Variants in C1QTNF8 observed in about 807,000 individuals in gnomAD.
C1QTNF8 encodes C1q and TNF related 8, also known as complement C1q tumor necrosis factor-related protein 8.
C1QTNF8 carries 27 observed loss-of-function variants against 19.2 expected under a neutral mutation model. The observed-to-expected ratio is 1.41, with a 90% CI of 1.04 to 1.94. The LOEUF (loss-of-function observed/expected upper bound fraction) is 1.94, where lower values mean the gene tolerates loss of function less well. Among genes scored for constraint, C1QTNF8 ranks in the 30% most tolerant of loss-of-function variants. The pLI is 0.00. For synonymous variants in C1QTNF8, 208 were observed against 172.8 expected (o/e 1.20, Z -1.60); for missense variants, 484 against 374.4 (o/e 1.29, Z -2.42).
intron 4 of C1QTNF8, among the ~76,000 whole-genome samples, chr16:1,093,279 A>C (rs377629617): frequency 0.02 from 1,412 of 71,990 alleles, 12 homozygotes; most frequent in African/African-American, 0.043. Context: ...GGCGCTCAAC[A>C]AATCACTGCA....
rs1456236893 is a variant in C1QTNF8, at chr16:1,096,206, CT to C, written c.-237del. 6.6e-6 allele frequency: 1 copy of C among 152,436 alleles called. No homozygotes were observed. The highest frequency in any genetic ancestry group is 1.5e-5 in the Non-Finnish European group (1 of 68,194). 9.4% of individuals were successfully genotyped at this position (152,436 alleles called of 1,614,324 possible). A position where few individuals can be genotyped will look rare whatever the true frequency, so the allele number is the denominator to read the frequency against. On this transcript the variant is annotated 5_prime_UTR_variant, in exon 1 of 5. It introduces an in-frame stop codon into an upstream open reading frame of the 5' UTR. Transcript: ENST00000328449. ...CCAGCAACCCAGCCGTCAAAGAGCC[CT>C]TTCATGCCCGCCTGGGCGCCCGTGG...
chr16:1,093,612 G>T lies in C1QTNF8; in HGVS notation c.648C>A (p.Ala216=). 4 of 1,604,760 alleles carry T rather than the reference G, an allele frequency of 2.5e-6. No individual in the cohort carries two copies. Among genetic ancestry groups the T allele is most frequent in the Non-Finnish European group, 3.4e-6 (4 of 1,175,948 alleles). ...CGCGCTGGAACATGCGCACCCAGACGGCGTCGCCCGCCGCCAGCAGCAGCA... is the reference window on the plus strand; with the variant it reads ...CGCGCTGGAACATGCGCACCCAGACTGCGTCGCCCGCCGCCAGCAGCAGCA... ...SLMLLLAAGD[A]VWVRMFQRDR... Residue 216 remains alanine (A), a synonymous_variant, in exon 4 of 5, where the codon GCC becomes GCA. Transcript: ENST00000328449.
At chr16:1,095,428 C>A (rs1224591191) in intron 2 of C1QTNF8, among the ~76,000 whole-genome samples, 187 bp downstream of exon 2, 1 of 152,210 alleles carries the variant, frequency 6.6e-6, no homozygotes, top group East Asian at 1.9e-4. Context: ...CCGGAGCCCC[C>A]AGGGCAGGGC....
intron 4 of C1QTNF8, among the ~76,000 whole-genome samples, chr16:1,092,946 TCACAGCACACAGTCGGCGCTCAAC>T: frequency 1.5e-5 from 1 of 66,876 alleles, no homozygotes; most frequent in Non-Finnish European, 3.3e-5. Flanking sequence ...GCTCAACCAA[TCACAGCACACAGTCGGCGCTCAAC>T]CAATCCCTGC....
rs1200589789 is a variant in C1QTNF8, at chr16:1,088,773, G to A, written c.*1826C>T. On this transcript the variant is annotated 3_prime_UTR_variant, in exon 5 of 5. Transcript: ENST00000328449. ...AGCTTCCAAGAGACCTTGCACCCCT[G>A]CCCGCCTGACCCCTGCTGCAGCCCG... Among the ~76,000 whole-genome samples the A allele has an allele frequency of 6.6e-6, 1 of 152,066 alleles. No homozygotes were observed. Among genetic ancestry groups the A allele is most frequent in the African/African-American group, 2.4e-5 (1 of 41,432 alleles).
rs989457851 is a variant in C1QTNF8 at position 1,091,019 on chromosome 16, C to T, written c.*5-425G>A. Among the ~76,000 whole-genome samples the T allele has an allele frequency of 1.4e-4, 21 of 152,284 alleles. No homozygotes were observed. In the South Asian group the frequency reaches 4.4e-3, roughly 32 times the overall value. ...ACCCTCCTGGGGCAGGCTGTGGGCC[C>T]AGCTGCTCAGAGATTGGTCAGTACT... On this transcript the variant is annotated intron_variant, in intron 4 of 4. Transcript: ENST00000328449.
chr16:1,093,417 C>G, intron 4 of C1QTNF8, 80 bp downstream of exon 4: 1 of 964,462 alleles, frequency 1.0e-6, no homozygotes, highest in Non-Finnish European at 1.4e-6. Flanking sequence ...CACACACCCA[C>G]ACCCACCCCC....
Position 1,093,370 on chromosome 16 carries a change from G to GCCCCCCCCCCCCC in C1QTNF8, c.*4+126_*4+127insGGGGGGGGGGGGG. 1.2e-5 allele frequency: 5 copies of GCCCCCCCCCCCCC among 417,556 alleles called. 1 individual carries two copies. The highest frequency in any genetic ancestry group is 2.2e-5 in the South Asian group (1 of 44,714). 25.9% of individuals were successfully genotyped at this position (417,556 alleles called of 1,614,324 possible). A position where few individuals can be genotyped will look rare whatever the true frequency, so the allele number is the denominator to read the frequency against. ...ACACAGTCGGCGCTGAAGCTCCGCT[G>GCCCCCCCCCCCCC]CCCGCCCACCCCACCACACCCACAC... On this transcript the variant is annotated intron_variant, in intron 4 of 4. Transcript: ENST00000328449.
chr16:1,091,406 G>C (rs535273438), intron 4 of C1QTNF8, among the ~76,000 whole-genome samples: 28 of 152,272 alleles, frequency 1.8e-4, no homozygotes, highest in Admixed American at 3.9e-4. Flanking sequence ...GGCTGGGCCG[G>C]AGGGGCTGGG....
rs1960500465 is a variant in C1QTNF8 at position 1,089,538 on chromosome 16, A to G, written c.*1061T>C. ...CTGCTGCACGGGAAGCTGAGGCGAC[A>G]GGCAGAGCTGGCAGGGACACGGGCT... On this transcript the variant is annotated 3_prime_UTR_variant, in exon 5 of 5. Transcript: ENST00000328449. Among the ~76,000 whole-genome samples, 1 of 152,222 alleles carries G rather than the reference A, an allele frequency of 6.6e-6. No homozygotes were observed. Among genetic ancestry groups the G allele is most frequent in the Non-Finnish European group, 1.5e-5 (1 of 68,030 alleles).
At position 1,088,356 on chromosome 16, in the gene C1QTNF8, T is replaced by A. The variant is rs1394041270; in HGVS notation, c.*2243A>T. 6.6e-6 allele frequency among the ~76,000 whole-genome samples: 1 copy of A among 152,220 alleles called. No individual in the cohort carries two copies. Among genetic ancestry groups the A allele is most frequent in the African/African-American group, 2.4e-5 (1 of 41,456 alleles). ...CCCCGCGGGAAGCCGCGTTCCCCAG[T>A]CCCTTCCTGTGCGGTTGACTCATGA... On this transcript the variant is annotated 3_prime_UTR_variant, in exon 5 of 5. Transcript: ENST00000328449.
intron 4 of C1QTNF8, among the ~76,000 whole-genome samples, chr16:1,091,872 CCT>C (rs1270105898): frequency 6.6e-6 from 1 of 152,220 alleles, no homozygotes; most frequent in Non-Finnish European, 1.5e-5. Flanking sequence ...GCTGGGTGCC[CCT>C]CACACCGCCT....
At chr16:1,094,176 C>T (rs976769874) in intron 3 of C1QTNF8, 125 bp from the exon 4 acceptor site, 4 of 741,978 alleles carry the variant, frequency 5.4e-6, no homozygotes, top group East Asian at 3.4e-5. Flanking sequence ...CAAGTGACGG[C>T]CCCTCTCCCA....
rs1960479122 is a variant in C1QTNF8, at chr16:1,088,433, G to A, written c.*2166C>T. ...GGGTGCCCGGTGCGGTTCTGATGGG[G>A]TGGCTCCCCCTTGTCTCCTAAGTGG... On this transcript the variant is annotated 3_prime_UTR_variant, in exon 5 of 5. Coordinates refer to ENST00000328449, the MANE Select transcript of C1QTNF8 (RefSeq NM_207419.3). 1.3e-5 allele frequency among the ~76,000 whole-genome samples: 2 copies of A among 152,216 alleles called. No homozygotes were observed. The highest frequency in any genetic ancestry group is 4.8e-5 in the African/African-American group (2 of 41,444).
chr16:1,091,109 C>T (rs543298121), intron 4 of C1QTNF8, among the ~76,000 whole-genome samples: 9 of 152,096 alleles, frequency 5.9e-5, no homozygotes, highest in African/African-American at 2.2e-4. Context: ...ATGGGCGAGC[C>T]GGGCACTCCA....
chr16:1,095,254 G>A (rs985056242), intron 2 of C1QTNF8, among the ~76,000 whole-genome samples: 4 of 152,232 alleles, frequency 2.6e-5, no homozygotes, highest in Non-Finnish European at 5.9e-5. Context: ...TCTAAACTCA[G>A]GAGCGGGTAG....
At position 1,093,958 on chromosome 16, in the gene C1QTNF8, T is replaced by C. The variant is rs1294796320; in HGVS notation, c.302A>G (p.Gln101Arg). Residue 101 changes from glutamine (Q) to arginine (R), a missense_variant, in exon 4 of 5, where the codon CAG becomes CGG. Physicochemically the swap from Gln to Arg is conservative, Grantham distance 43. Coordinates refer to ENST00000328449, the MANE Select transcript of C1QTNF8 (RefSeq NM_207419.3). ...GCCCGGCGGCCCCACCTGCCCCTTCTGGCCTCTGCGGCCCTGCAGGCCCCG... is the reference window on the plus strand; with the variant it reads ...GCCCGGCGGCCCCACCTGCCCCTTCCGGCCTCTGCGGCCCTGCAGGCCCCG... ...GARGLQGRRG[Q>R]KGQVGPPGAA... 6.7e-7 allele frequency: 1 copy of C among 1,494,738 alleles called. No homozygotes were observed. The allele number at this position is 1,494,738 out of a possible 1,614,324, so 92.6% of individuals were successfully genotyped here.
Position 1,094,050 on chromosome 16 carries a change from A to G in C1QTNF8, c.210T>C (p.Gly70=). The change falls in exon 4 of 5, where the codon GGT becomes GGC. Residue 70 remains glycine, a splice_region_variant and synonymous_variant. Coordinates refer to ENST00000328449, the MANE Select transcript of C1QTNF8 (RefSeq NM_207419.3). ...RPTIDIEILK[G]EKGEAGVRGR... is the part of the protein sequence containing the mutation. Reference sequence around the variant, plus strand: ...CTCGGACGCCGGCCTCACCCTTCTCACCTGCAGGGGACAAACGAAAGCCAC... The same window carrying G: ...CTCGGACGCCGGCCTCACCCTTCTCGCCTGCAGGGGACAAACGAAAGCCAC... 6.9e-7 allele frequency: 1 copy of G among 1,448,104 alleles called. No individual in the cohort carries two copies. Among genetic ancestry groups the G allele is most frequent in the Non-Finnish European group, 9.0e-7 (1 of 1,116,228 alleles). The allele number at this position is 1,448,104 out of a possible 1,614,324, so 89.7% of individuals were successfully genotyped here.
intron 4 of C1QTNF8, among the ~76,000 whole-genome samples, chr16:1,091,624 A>C (rs964346082): frequency 2.0e-5 from 3 of 152,124 alleles, no homozygotes; most frequent in African/African-American, 7.2e-5. Flanking sequence ...CCACAACTGC[A>C]GCCAGGCCAT....
Sources: allele counts gnomAD v4.1 joint callset (sites outside exome capture counted in the v4.1 genomes callset), GRCh38; gene constraint gnomAD v4.1.1; transcripts MANE v1.5; gene names NCBI Gene and HGNC (gene_info 2026-07-23, HGNC 2026-07-21).